The following ABCB11 variants were observed in gnomAD, a reference collection of about 807,000 sequenced individuals.
ABCB11 encodes the protein bile salt export pump.
In ABCB11, 95 loss-of-function variants were observed where a neutral mutation model predicts 148.0. The ratio of observed to expected loss-of-function variants is 0.64; its 90% CI spans 0.54 to 0.76. The LOEUF is 0.76. Ranked by LOEUF, ABCB11 falls within the 30% of genes least tolerant of loss-of-function variation. The pLI is 0.00. For missense variants in ABCB11, 1,523 were observed against 1,617.8 expected (o/e 0.94, Z 1.01); for synonymous variants, 591 against 555.4 (o/e 1.06, Z -0.90).
rs1239227206 is a variant in ABCB11 at position 168,920,963 on chromosome 2, C to G, written c.*2659G>C. The stretch of plus-strand genomic sequence containing the variant: ...AATTTGTACTAATTCCTCTTTCAGA[C>G]TCCATAAATTCCTTTCCAGGAAACT... On this transcript the variant is annotated 3_prime_UTR_variant, in exon 28 of 28. Coordinates refer to ENST00000650372, the MANE Select transcript of ABCB11 (RefSeq NM_003742.4). Among the ~76,000 whole-genome samples the G allele has an allele frequency of 6.6e-6, 1 of 152,170 alleles. No individual in the cohort carries two copies. The highest frequency in any genetic ancestry group is 1.5e-5 in the Non-Finnish European group (1 of 68,028).
chr2:168,930,948 C>G (rs1044416665), intron 24 of ABCB11, 86 bp from the exon 25 acceptor site: 3 of 1,238,238 alleles, frequency 2.4e-6, no homozygotes, highest in African/African-American at 3.0e-5. Flanking sequence ...TTTAAAATCC[C>G]TGCTTGAGAT....
In ABCB11 at chr2:168,990,808, C is replaced by G. The variant is rs755761146; in HGVS notation, c.901G>C (p.Val301Leu). 1.2e-6 allele frequency: 2 copies of G among 1,612,824 alleles called. No homozygotes were observed. The highest frequency in any genetic ancestry group is 8.5e-7 in the Non-Finnish European group (1 of 1,179,148). Residue 301 changes from valine (V) to leucine (L), a missense_variant, in exon 9 of 28, where the codon GTT (valine) becomes CTT (leucine). Physicochemically the swap from Val to Leu is conservative, Grantham distance 32. Coordinates refer to ENST00000650372, the MANE Select transcript of ABCB11 (RefSeq NM_003742.4). ...VAAFGGEKREVERYEKNLVFA... is the reference protein window; with the variant it reads ...VAAFGGEKRELERYEKNLVFA... ...AGATTCCAATTAACCAACCTTTCAACCTCTCTTTTCTCACCACCAAAAGCA... is the reference window on the plus strand; with the variant it reads ...AGATTCCAATTAACCAACCTTTCAAGCTCTCTTTTCTCACCACCAAAAGCA...
chr2:169,002,594 T>A (rs959313991), intron 5 of ABCB11, among the ~76,000 whole-genome samples: 1 of 152,142 alleles, frequency 6.6e-6, no homozygotes, highest in African/African-American at 2.4e-5. Flanking sequence ...TAATGGAATA[T>A]TATTCAGCCT....
chr2:169,013,419 A>G lies in ABCB11; in HGVS notation c.242T>C (p.Leu81Pro). The G allele has an allele frequency of 6.2e-7, 1 of 1,613,856 alleles. No individual in the cohort carries two copies. The highest frequency in any genetic ancestry group is 8.5e-7 in the Non-Finnish European group (1 of 1,179,796). The change falls in exon 5 of 28, where the codon CTC becomes CCC. Residue 81 changes from leucine to proline, a missense_variant. By Grantham distance (98) the Leu-to-Pro change is moderately conservative. Transcript: ENST00000650372. The part of the protein sequence containing the change: ...LHGIAQPGVL[L>P]IFGTMTDVFI... The stretch of plus-strand genomic sequence containing the variant: ...AACATCTGTCATTGTGCCAAAAATG[A>G]GTAGCACGCCTGGCTGGGCTATTCC...
rs1691062636 is a variant in ABCB11, at chr2:168,921,091, T to C, written c.*2531A>G. On this transcript the variant is annotated 3_prime_UTR_variant, in exon 28 of 28. Transcript: ENST00000650372. ...AAATTAGAGGATTAGCATGCATTTA[T>C]TGCAAACCTTAATTTCCTCTAAAAG... Among the ~76,000 whole-genome samples, 1 of 152,232 alleles carries C rather than the reference T, an allele frequency of 6.6e-6. No homozygotes were observed. The highest frequency in any genetic ancestry group is 6.5e-5 in the Admixed American group (1 of 15,290).
chr2:168,969,267 T>C, intron 16 of ABCB11, 83 bp downstream of exon 16: 1 of 1,279,288 alleles, frequency 7.8e-7, no homozygotes, highest in Non-Finnish European at 1.1e-6. Context: ...GAACAGTGAG[T>C]ATTGAAATAC....
intron 6 of ABCB11, among the ~76,000 whole-genome samples, chr2:168,996,423 G>A (rs555375050): frequency 2.0e-5 from 3 of 151,952 alleles, no homozygotes; most frequent in South Asian, 2.1e-4. Context: ...TTACAACTAC[G>A]AGTCTATTAT....
At chr2:168,975,020 C>A (rs1356134069) in intron 12 of ABCB11, among the ~76,000 whole-genome samples, 2 of 142,146 alleles carry the variant, frequency 1.4e-5, no homozygotes, top group African/African-American at 5.1e-5. Flanking sequence ...GATATATTTA[C>A]CTACATACTG....
intron 11 of ABCB11, among the ~76,000 whole-genome samples, chr2:168,978,759 C>T (rs997358722): frequency 4.6e-5 from 7 of 152,104 alleles, no homozygotes; most frequent in African/African-American, 1.7e-4. Context: ...CACTCTGTTG[C>T]CCAGGCTGGA....
At chr2:168,956,300 G>A (rs1692788558) in intron 19 of ABCB11, among the ~76,000 whole-genome samples, 1 of 151,634 alleles carries the variant, frequency 6.6e-6, no homozygotes, top group Admixed American at 6.6e-5. Flanking sequence ...ATTACAATTT[G>A]GCATGAGATT....
chr2:169,029,273 CTTTTTTTTT>C, intron 1 of ABCB11, among the ~76,000 whole-genome samples: 1 of 147,182 alleles, frequency 6.8e-6, no homozygotes, highest in African/African-American at 2.5e-5. Flanking sequence ...TCTTTTCTTT[CTTTTTTTTT>C]TTTTTAAAGC....
At chr2:169,022,924 C>T (rs537372760) in intron 1 of ABCB11, among the ~76,000 whole-genome samples, 1 of 151,796 alleles carries the variant, frequency 6.6e-6, no homozygotes, top group Non-Finnish European at 1.5e-5. Context: ...AATCATTATC[C>T]ATTCCTGTTT....
intron 1 of ABCB11, among the ~76,000 whole-genome samples, chr2:169,030,744 G>A (rs370375935): frequency 1.3e-5 from 2 of 151,892 alleles, no homozygotes; most frequent in Non-Finnish European, 2.9e-5. Context: ...TTTGAAAACC[G>A]GGACAATGAA....
In ABCB11 at chr2:168,930,873, G is replaced by A. The variant is rs780797601; in HGVS notation, c.3214-11C>T. On this transcript the variant is annotated splice_polypyrimidine_tract_variant and intron_variant, in intron 24 of 27. Coordinates refer to ENST00000650372, the MANE Select transcript of ABCB11 (RefSeq NM_003742.4). ...CCCCTGGAAGTTGTCCTGTGGATGG[G>A]AGGATCAAAATTAGAGATGCTCTTA... 1 of 1,579,942 alleles carries A rather than the reference G, an allele frequency of 6.3e-7. No homozygotes were observed. The highest frequency in any genetic ancestry group is 8.6e-7 in the Non-Finnish European group (1 of 1,163,520).
intron 19 of ABCB11, among the ~76,000 whole-genome samples, chr2:168,949,533 T>G (rs778185966): frequency 1.3e-5 from 2 of 151,790 alleles, no homozygotes; most frequent in Non-Finnish European, 2.9e-5. Context: ...AGACATGATT[T>G]CATCCTTTTT....
At chr2:168,980,985 G>A (rs951031772) in intron 10 of ABCB11, among the ~76,000 whole-genome samples, 5 of 152,298 alleles carry the variant, frequency 3.3e-5, no homozygotes, top group African/African-American at 1.2e-4. Flanking sequence ...CTCGCATAGA[G>A]GATGTTTCAT....
chr2:169,014,455 A>G (rs1334005712), intron 3 of ABCB11, 101 bp from the exon 4 acceptor site: 1 of 1,149,782 alleles, frequency 8.7e-7, no homozygotes, highest in Non-Finnish European at 1.3e-6. Flanking sequence ...GTAAGAAAGA[A>G]AATCCCCACT....
In ABCB11 at chr2:168,923,336, G is replaced by C; in HGVS notation, c.*286C>G. On this transcript the variant is annotated 3_prime_UTR_variant, in exon 28 of 28. Transcript: ENST00000650372. ...TAATCAGGACTGGCTCCTGCACAGA[G>C]AAGCACTGAGTGGTGGCTGAGCTGC... is the stretch of plus-strand genomic sequence containing the variant. The C allele has an allele frequency of 1.9e-6, 1 of 517,756 alleles. No homozygotes were observed. The highest frequency in any genetic ancestry group is 3.4e-5 in the East Asian group (1 of 29,334). The allele number at this position is 517,756 out of a possible 1,614,324, so 32.1% of individuals were successfully genotyped here.
At chr2:169,021,501 C>G (rs1400235100) in intron 1 of ABCB11, among the ~76,000 whole-genome samples, 1 of 151,954 alleles carries the variant, frequency 6.6e-6, no homozygotes. Flanking sequence ...TACCCAGCAA[C>G]CTAACACAAC....
Sources: gnomAD v4.1 joint callset for allele counts (sites outside exome capture counted in the v4.1 genomes callset) on GRCh38, gnomAD v4.1.1 for gene constraint, MANE v1.5 for transcripts, NCBI Gene and HGNC (gene_info 2026-07-23, HGNC 2026-07-21) for gene names.